The following SGIP1 variants were observed in gnomAD, a reference collection of about 807,000 sequenced individuals.
SGIP1 encodes SH3GL interacting endocytic adaptor 1, also known as SH3-containing GRB2-like protein 3-interacting protein 1.
SGIP1 carries 38 observed loss-of-function variants against 107.5 expected under a neutral mutation model. That is an observed-to-expected ratio of 0.35 (90% CI 0.27 to 0.46). SGIP1 has a LOEUF of 0.46. Among genes scored for constraint, SGIP1 ranks in the 20% least tolerant of loss-of-function variants. The pLI is 1.00. For missense variants in SGIP1, 929 were observed against 1,019.5 expected (o/e 0.91, Z 1.21); for synonymous variants, 365 against 366.1 (o/e 1.00, Z 0.03).
At chr1:66,536,034 GT>G (rs1005885751) in intron 1 of SGIP1, among the ~76,000 whole-genome samples, 5 of 152,180 alleles carry the variant, frequency 3.3e-5, no homozygotes, top group African/African-American at 1.2e-4. Flanking sequence ...AGGTTGTAAC[GT>G]TTTTTGATGC....
chr1:66,737,256 T>C (rs143232444), intron 21 of SGIP1, among the ~76,000 whole-genome samples: 218 of 152,318 alleles, frequency 1.4e-3, no homozygotes, highest in African/African-American at 4.9e-3. Flanking sequence ...TTATATACAC[T>C]GCATGTACAT....
intron 15 of SGIP1, among the ~76,000 whole-genome samples, chr1:66,684,655 A>G (rs1489684323): frequency 5.3e-5 from 8 of 152,232 alleles, no homozygotes; most frequent in African/African-American, 1.9e-4. Flanking sequence ...CATCTTTATC[A>G]GGAGTAGAGA....
chr1:66,612,023 A>G (rs969958964), intron 1 of SGIP1, among the ~76,000 whole-genome samples: 1 of 131,710 alleles, frequency 7.6e-6, no homozygotes, highest in Non-Finnish European at 1.6e-5. Context: ...GGTAGTTTAG[A>G]AAGAGAAGGT....
chr1:66,729,254 G>A lies in SGIP1; in HGVS notation c.1743-10G>A. 2 of 1,613,360 alleles carry A rather than the reference G, an allele frequency of 1.2e-6. No individual in the cohort carries two copies. The highest frequency in any genetic ancestry group is 1.7e-6 in the Non-Finnish European group (2 of 1,179,724). On this transcript the variant is annotated splice_polypyrimidine_tract_variant and intron_variant, in intron 19 of 24. Transcript: ENST00000371037. ...TCTCTCTCTTTCCTCTCTGTGTTTT[G>A]ATATGCCAGATGTATCGTTAAGATT...
intron 17 of SGIP1, chr1:66,694,726 G>A (rs2090530763): frequency 2.5e-6 from 1 of 399,814 alleles, no homozygotes; most frequent in Admixed American, 4.3e-5. Context: ...GTTTCTCAGT[G>A]AAGAGGTTCA....
rs778433825 is a variant in SGIP1 at position 66,719,381 on chromosome 1, A to T, written c.1718A>T (p.Tyr573Phe). Residue 573 changes from tyrosine to phenylalanine, a missense_variant, in exon 19 of 25, where the codon TAT (tyrosine) becomes TTT (phenylalanine). Around this residue, in one of 2 missense-constraint regions of SGIP1, gnomAD observed 341 missense variants for 430.9 expected, o/e 0.79. Coordinates refer to ENST00000371037, the MANE Select transcript of SGIP1 (RefSeq NM_032291.4). Reference sequence around the variant, plus strand: ...GCATTTACAGAAACAGTCAATGCCTATTTCAAAGGAGCAGACCCAAGCAAG... The same window carrying T: ...GCATTTACAGAAACAGTCAATGCCTTTTTCAAAGGAGCAGACCCAAGCAAG... The part of the protein sequence containing the change: ...AAAFTETVNA[Y>F]FKGADPSKCI... The T allele has an allele frequency of 6.2e-6, 10 of 1,613,220 alleles. No individual in the cohort carries two copies. In the South Asian group the frequency reaches 1.1e-4, roughly 18 times the overall value.
At chr1:66,631,870 G>T (rs2074832445) in intron 2 of SGIP1, among the ~76,000 whole-genome samples, 1 of 152,246 alleles carries the variant, frequency 6.6e-6, no homozygotes, top group East Asian at 1.9e-4. Context: ...AAATAATGAG[G>T]CTCCCTTTCG....
intron 1 of SGIP1, among the ~76,000 whole-genome samples, chr1:66,560,684 A>T (rs1571336140): frequency 6.6e-6 from 1 of 152,160 alleles, no homozygotes; most frequent in South Asian, 2.1e-4. Context: ...TCATTTACTA[A>T]TAAATATTTA....
chr1:66,539,975 T>C (rs1247136981), intron 1 of SGIP1, among the ~76,000 whole-genome samples: 1 of 152,114 alleles, frequency 6.6e-6, no homozygotes, highest in African/African-American at 2.4e-5. Flanking sequence ...TCTGTATCCT[T>C]AGCTCTTGGC....
chr1:66,652,852 T>C (rs960926220), intron 7 of SGIP1, among the ~76,000 whole-genome samples: 26 of 152,156 alleles, frequency 1.7e-4, no homozygotes, highest in African/African-American at 4.6e-4. Context: ...AGGCTAAAGA[T>C]TGCATGCATT....
chr1:66,588,162 C>T lies in SGIP1; in HGVS notation c.11-37685C>T, dbSNP rs550715777. On this transcript the variant is annotated intron_variant, in intron 1 of 24. Transcript: ENST00000371037. Reference sequence around the variant, plus strand: ...TTCACTTATTAAACTTCCAGTGGGGCCATGTTTTATTCTTTGATTCGGGAG... The same window carrying T: ...TTCACTTATTAAACTTCCAGTGGGGTCATGTTTTATTCTTTGATTCGGGAG... Among the ~76,000 whole-genome samples, 10 of 152,200 alleles carry T rather than the reference C, an allele frequency of 6.6e-5. No homozygotes were observed. The East Asian group carries it at 1.9e-3, about 29-fold the overall frequency.
rs2091622535 is a variant in SGIP1, at chr1:66,699,924, TA to T, written c.1630+4436del. Among the ~76,000 whole-genome samples the T allele has an allele frequency of 2.0e-5, 3 of 152,162 alleles. No individual in the cohort carries two copies. In the South Asian group the frequency reaches 6.2e-4, roughly 32 times the overall value. On this transcript the variant is annotated intron_variant, in intron 18 of 24. Coordinates refer to ENST00000371037, the MANE Select transcript of SGIP1 (RefSeq NM_032291.4). Reference sequence around the variant, plus strand: ...TGAGGTTGAAAAATGAAAAATAAAATAAAAATAATAATGAATATGAGTAACT... The same window carrying T: ...TGAGGTTGAAAAATGAAAAATAAAATAAAATAATAATGAATATGAGTAACT...
At chr1:66,623,833 T>G (rs543645647) in intron 1 of SGIP1, among the ~76,000 whole-genome samples, 1 of 152,336 alleles carries the variant, frequency 6.6e-6, no homozygotes, top group Admixed American at 6.5e-5. Context: ...ATGCTGGGAA[T>G]GGACTCTCTG....
chr1:66,545,894 T>C (rs1557838489), intron 1 of SGIP1, among the ~76,000 whole-genome samples: 1 of 152,186 alleles, frequency 6.6e-6, no homozygotes, highest in Non-Finnish European at 1.5e-5. Context: ...CTTTGTTCCT[T>C]GCTCAAAAAC....
intron 1 of SGIP1, among the ~76,000 whole-genome samples, chr1:66,594,488 G>C (rs924235066): frequency 1.3e-5 from 2 of 152,058 alleles, no homozygotes; most frequent in Non-Finnish European, 1.5e-5. Context: ...AAGCAAAGTG[G>C]CTTCAGAAAA....
At chr1:66,630,853 A>AAGAG (rs1330690290) in intron 2 of SGIP1, among the ~76,000 whole-genome samples, 1 of 32,694 alleles carries the variant, frequency 3.1e-5, no homozygotes, top group Admixed American at 4.1e-4. Flanking sequence ...GAAAGAAAGA[A>AAGAG]AGAAAGAAAG....
chr1:66,604,967 A>G (rs2066547238), intron 1 of SGIP1, among the ~76,000 whole-genome samples: 1 of 152,100 alleles, frequency 6.6e-6, no homozygotes, highest in African/African-American at 2.4e-5. Flanking sequence ...ATATATTTTG[A>G]CTAAATAGTC....
chr1:66,686,005 T>TTTTTCCCAAAAGG (rs368565161), intron 15 of SGIP1, among the ~76,000 whole-genome samples: 2,473 of 152,282 alleles, frequency 0.016, 71 homozygotes, highest in African/African-American at 0.057. Context: ...TTGGGAAAGG[T>TTTTTCCCAAAAGG]TGTTTAGTTT....
intron 1 of SGIP1, among the ~76,000 whole-genome samples, chr1:66,586,127 T>C (rs779314777): frequency 3.9e-5 from 6 of 152,236 alleles, no homozygotes; most frequent in Non-Finnish European, 8.8e-5. Flanking sequence ...TTTCTTGTTC[T>C]GATGTCTACA....
Sources: gnomAD v4.1 joint callset for allele counts (sites outside exome capture counted in the v4.1 genomes callset) on GRCh38, gnomAD v4.1.1 for gene constraint, gnomAD v4.1.1 regional missense constraint, MANE v1.5 for transcripts, NCBI Gene and HGNC (gene_info 2026-07-23, HGNC 2026-07-21) for gene names.